Variants in PTPRD observed in about 807,000 individuals in gnomAD.
PTPRD encodes the protein receptor-type tyrosine-protein phosphatase delta.
PTPRD carries 34 observed loss-of-function variants against 214.5 expected under a neutral mutation model. The ratio of observed to expected loss-of-function variants is 0.16; its 90% CI spans 0.12 to 0.21. The LOEUF is 0.21. Among genes scored for constraint, PTPRD ranks in the 10% least tolerant of loss-of-function variants. PTPRD has a pLI of 1.00. For missense variants in PTPRD, 2,545 were observed against 2,398.7 expected (o/e 1.06, Z -1.27); for synonymous variants, 1,128 against 845.7 (o/e 1.33, Z -5.79).
At chr9:8,776,619 G>A (rs1332632490) in intron 11 of PTPRD, among the ~76,000 whole-genome samples, 1 of 151,900 alleles carries the variant, frequency 6.6e-6, no homozygotes, top group Middle Eastern at 3.2e-3. Flanking sequence ...TAAAATGAAA[G>A]CAATGATGGG....
At chr9:9,359,844 G>A (rs1196802350) in intron 9 of PTPRD, among the ~76,000 whole-genome samples, 1 of 151,076 alleles carries the variant, frequency 6.6e-6, no homozygotes, top group Non-Finnish European at 1.5e-5. Flanking sequence ...CAATATGCTG[G>A]GCTTCCTCAA....
chr9:8,460,145 A>T lies in PTPRD; in HGVS notation c.3875+266T>A, dbSNP rs565862421. The T allele has an allele frequency of 2.5e-5, 11 of 437,890 alleles. No individual in the cohort carries two copies. In the East Asian group the frequency reaches 4.2e-4, roughly 17 times the overall value. 27.1% of individuals were successfully genotyped at this position (437,890 alleles called of 1,614,324 possible). On this transcript the variant is annotated intron_variant, in intron 33 of 45. Transcript: ENST00000381196. ...GCCTCAATTGTTATGAAAAGTGCTT[A>T]TCTGCATAAAGCAGCTCAGAAGATT...
chr9:8,372,360 T>C (rs2081809909), intron 39 of PTPRD, among the ~76,000 whole-genome samples: 1 of 152,074 alleles, frequency 6.6e-6, no homozygotes, highest in African/African-American at 2.4e-5. Flanking sequence ...AATTACTGCA[T>C]ACTTCTATAT....
At chr9:9,574,214 T>G (rs987407391) in intron 8 of PTPRD, among the ~76,000 whole-genome samples, 4 of 151,864 alleles carry the variant, frequency 2.6e-5, no homozygotes, top group African/African-American at 9.7e-5. Context: ...ACCACAGAAG[T>G]TAATGAATAA....
At chr9:10,414,355 C>A (rs1257610267) in intron 2 of PTPRD, among the ~76,000 whole-genome samples, 1 of 151,964 alleles carries the variant, frequency 6.6e-6, no homozygotes, top group Non-Finnish European at 1.5e-5. Context: ...TATTACTGAT[C>A]ATTAGAGAAA....
intron 35 of PTPRD, among the ~76,000 whole-genome samples, chr9:8,432,375 G>A (rs1020613803): frequency 1.3e-5 from 2 of 152,090 alleles, no homozygotes; most frequent in Non-Finnish European, 2.9e-5. Context: ...GGAGTTCAAC[G>A]GCCTTTACAG....
At chr9:9,969,104 G>A (rs575530090) in intron 4 of PTPRD, among the ~76,000 whole-genome samples, 18 of 152,242 alleles carry the variant, frequency 1.2e-4, no homozygotes, top group African/African-American at 4.3e-4. Flanking sequence ...CATGTGACAC[G>A]TCCATAAAAG....
intron 10 of PTPRD, among the ~76,000 whole-genome samples, chr9:9,161,898 T>C (rs2890854): frequency 0.33 from 49,964 of 151,842 alleles, 8,749 homozygotes; most frequent in Non-Finnish European, 0.39. Context: ...TAAATTTTCC[T>C]GTACCTTTAT....
intron 8 of PTPRD, among the ~76,000 whole-genome samples, chr9:9,434,510 T>C (rs554850231): frequency 9.9e-5 from 15 of 152,204 alleles, no homozygotes; most frequent in African/African-American, 3.1e-4. Flanking sequence ...TTCACAGAAA[T>C]AGAAAAATAA....
At chr9:10,359,755 T>C (rs1231247748) in intron 2 of PTPRD, among the ~76,000 whole-genome samples, 1 of 152,168 alleles carries the variant, frequency 6.6e-6, no homozygotes, top group Non-Finnish European at 1.5e-5. Context: ...CATAAATTAT[T>C]CTGCTTAACA....
intron 3 of PTPRD, among the ~76,000 whole-genome samples, chr9:10,140,684 T>C (rs2098978207): frequency 6.6e-6 from 1 of 151,992 alleles, no homozygotes; most frequent in East Asian, 1.9e-4. Flanking sequence ...GAGGAACTGG[T>C]ACCATTCCTT....
intron 10 of PTPRD, among the ~76,000 whole-genome samples, chr9:9,140,041 A>C (rs2099857427): frequency 6.6e-6 from 1 of 152,054 alleles, no homozygotes; most frequent in Non-Finnish European, 1.5e-5. Flanking sequence ...ATTTTGTTTG[A>C]AAAAAGATTT....
chr9:8,352,220 G>A (rs1001205885), intron 39 of PTPRD, among the ~76,000 whole-genome samples: 4 of 152,002 alleles, frequency 2.6e-5, no homozygotes, highest in African/African-American at 7.3e-5. Flanking sequence ...TAAATTAGAA[G>A]GCTAATGTGT....
At chr9:8,460,374 C>T (rs769227977) in intron 33 of PTPRD, 37 bp downstream of exon 33, 1 of 1,606,258 alleles carries the variant, frequency 6.2e-7, no homozygotes, top group Admixed American at 1.7e-5. Flanking sequence ...AATAAGGCAG[C>T]CTCCAAAATT....
At chr9:8,371,393 T>C (rs1306530354) in intron 39 of PTPRD, among the ~76,000 whole-genome samples, 3 of 152,044 alleles carry the variant, frequency 2.0e-5, no homozygotes, top group Non-Finnish European at 4.4e-5. Context: ...GGTAAAAATG[T>C]ACATAAGCCA....
At chr9:9,391,296 T>A (rs759867868) in intron 9 of PTPRD, among the ~76,000 whole-genome samples, 1 of 152,184 alleles carries the variant, frequency 6.6e-6, no homozygotes, top group Admixed American at 6.5e-5. Context: ...ACTCTGATTT[T>A]TAAATGATAT....
chr9:10,205,161 A>G (rs2099463345), intron 3 of PTPRD, among the ~76,000 whole-genome samples: 1 of 152,058 alleles, frequency 6.6e-6, no homozygotes, highest in Admixed American at 6.6e-5. Context: ...TATCAAGTTT[A>G]TAATATGTTA....
chr9:9,297,580 T>G (rs2134468173), intron 9 of PTPRD, among the ~76,000 whole-genome samples: 1 of 151,770 alleles, frequency 6.6e-6, no homozygotes, highest in Middle Eastern at 3.4e-3. Context: ...TCCACAGAAA[T>G]ATATAAATAT....
intron 4 of PTPRD, among the ~76,000 whole-genome samples, chr9:10,004,667 C>T (rs566332238): frequency 2.6e-5 from 4 of 151,796 alleles, no homozygotes; most frequent in Non-Finnish European, 5.9e-5. Context: ...GTAAACATAA[C>T]GTTTTTAGAT....
Sources: gnomAD v4.1 joint callset for allele counts (sites outside exome capture counted in the v4.1 genomes callset) on GRCh38, gnomAD v4.1.1 for gene constraint, MANE v1.5 for transcripts, NCBI Gene and HGNC (gene_info 2026-07-23, HGNC 2026-07-21) for gene names.